METTL22: variants seen among roughly 807,000 people sequenced by gnomAD.
The protein encoded by METTL22 is methyltransferase 22, Kin17 lysine, also known as methyltransferase-like protein 22.
In METTL22, 51 loss-of-function variants were observed where a neutral mutation model predicts 48.4. That is an observed-to-expected ratio of 1.05 (90% CI 0.84 to 1.33). The LOEUF (loss-of-function observed/expected upper bound fraction) is 1.33. Among genes scored for constraint, METTL22 ranks in the 40% most tolerant of loss-of-function variants. METTL22 has a pLI of 0.00. For synonymous variants in METTL22, 255 were observed against 214.1 expected, an observed-to-expected ratio of 1.19 and a Z score of -1.67; for missense variants, 678 against 526.9, an observed-to-expected ratio of 1.29 and a Z score of -2.81.
chr16:8,663,130 C>T, the METTL22 span, among the ~76,000 whole-genome samples: 2 of 146,108 alleles, frequency 1.4e-5, no homozygotes, highest in African/African-American at 2.5e-5. Flanking sequence ...CACTTGAACC[C>T]GGGAGGCAGA....
At chr16:8,641,635 A>G (rs1256142210) in intron 7 of METTL22, 2 of 305,774 alleles carry the variant, frequency 6.5e-6, no homozygotes, top group East Asian at 1.7e-4. Flanking sequence ...TTCTTTGTAT[A>G]AAGATGTCTT....
downstream of METTL22, among the ~76,000 whole-genome samples, chr16:8,651,011 A>G (rs977530157): frequency 1.3e-5 from 2 of 152,050 alleles, no homozygotes; most frequent in Non-Finnish European, 1.5e-5. Flanking sequence ...ACAGAGCGAG[A>G]CTCCGTCTCA....
intron 2 of METTL22, among the ~76,000 whole-genome samples, chr16:8,627,088 C>A (rs1437121117): frequency 6.6e-6 from 1 of 152,120 alleles, no homozygotes; most frequent in South Asian, 2.1e-4. Flanking sequence ...TGTTGCTTGC[C>A]TGGCTGCCTC....
chr16:8,659,287 C>T, the METTL22 span, among the ~76,000 whole-genome samples: 5 of 151,072 alleles, frequency 3.3e-5, no homozygotes, highest in South Asian at 2.1e-4. Flanking sequence ...GCCAAGATTG[C>T]GCCTCTGTAC....
chr16:8,638,750 T>C (rs752676263), intron 5 of METTL22, among the ~76,000 whole-genome samples: 47 of 152,276 alleles, frequency 3.1e-4, no homozygotes, highest in Non-Finnish European at 6.0e-4. Flanking sequence ...TGAAATGGGA[T>C]TCATGATCCC....
chr16:8,651,528 C>A (rs192928759), downstream of METTL22, among the ~76,000 whole-genome samples: 3 of 152,176 alleles, frequency 2.0e-5, no homozygotes, highest in South Asian at 4.1e-4. Context: ...TTGCACCTTG[C>A]AGCCTGTGTG....
chr16:8,664,849 A>G, the METTL22 span, among the ~76,000 whole-genome samples: 1 of 146,946 alleles, frequency 6.8e-6, no homozygotes, highest in African/African-American at 2.5e-5. Flanking sequence ...ATCCTTATCC[A>G]GGGCCCTAGA....
At chr16:8,653,914 T>C (rs1273108276), downstream of METTL22, among the ~76,000 whole-genome samples, 3 of 152,104 alleles carry the variant, frequency 2.0e-5, no homozygotes, top group African/African-American at 7.2e-5. Context: ...GGAAGAATTT[T>C]GTGGAAAGCC....
chr16:8,664,614 G>A, the METTL22 span, among the ~76,000 whole-genome samples: 1 of 152,000 alleles, frequency 6.6e-6, no homozygotes, highest in Non-Finnish European at 1.5e-5. Flanking sequence ...CACCACACCA[G>A]GCTAATTTAT....
At chr16:8,637,043 C>CA (rs1460714458) in intron 5 of METTL22, among the ~76,000 whole-genome samples, 3 of 152,272 alleles carry the variant, frequency 2.0e-5, no homozygotes, top group Non-Finnish European at 2.9e-5. Flanking sequence ...TTCTTTAGAA[C>CA]AAATATACCT....
In METTL22 at chr16:8,628,902, CG is replaced by C. The variant is rs763664909; in HGVS notation, c.309del (p.Thr104LeufsTer22). 1 of 1,613,810 alleles carries C rather than the reference CG, an allele frequency of 6.2e-7. No homozygotes were observed. The highest frequency in any genetic ancestry group is 1.7e-5 in the Admixed American group (1 of 59,996). ...HGNEGFSLQA[G>X]TDTTGQEVAE... ...GTAATGAGGGTTTCTCCCTCCAGGC[CG>C]GGACTGACACCACTGGCCAGGAAGT... On this transcript the variant is annotated frameshift_variant, in exon 3 of 11. Transcript: ENST00000381920. LOFTEE classifies it high-confidence loss of function.
chr16:8,664,053 T>G, the METTL22 span, among the ~76,000 whole-genome samples: 5 of 151,736 alleles, frequency 3.3e-5, no homozygotes, highest in East Asian at 7.7e-4. Flanking sequence ...CAATGATCTT[T>G]CCTCTTTCCT....
intron 2 of METTL22, among the ~76,000 whole-genome samples, chr16:8,626,446 CTTTTTTT>C (rs3057578): frequency 1.5e-5 from 2 of 129,492 alleles, no homozygotes; most frequent in Non-Finnish European, 3.2e-5. Context: ...GTCCTCTGCT[CTTTTTTT>C]TTTTTTTTTT....
the METTL22 span, among the ~76,000 whole-genome samples, chr16:8,656,288 T>C: frequency 1.3e-5 from 2 of 152,302 alleles, no homozygotes; most frequent in East Asian, 1.9e-4. Context: ...GTTTATCCTA[T>C]TGACATGTAT....
chr16:8,641,006 G>A lies in METTL22; in HGVS notation c.773-125G>A, dbSNP rs575422797. 2.2e-5 allele frequency: 17 copies of A among 776,076 alleles called. No homozygotes were observed. In the African/African-American group the frequency reaches 2.7e-4, roughly 12 times the overall value. The allele number at this position is 776,076 out of a possible 1,614,324, so 48.1% of individuals were successfully genotyped here. On this transcript the variant is annotated intron_variant, in intron 6 of 10. Transcript: ENST00000381920. ...GCTGTAAAGATGGAAGGGCAGGAAGGTGGATGGGTGAGAGCAAGGGTGGGT... is the reference window on the plus strand; with the variant it reads ...GCTGTAAAGATGGAAGGGCAGGAAGATGGATGGGTGAGAGCAAGGGTGGGT...
chr16:8,654,815 C>T, the METTL22 span, among the ~76,000 whole-genome samples: 63 of 152,154 alleles, frequency 4.1e-4, no homozygotes, highest in African/African-American at 1.4e-3. Flanking sequence ...TTGTCTGGTT[C>T]CCCAGTGGGA....
In METTL22 at chr16:8,629,121, G is replaced by T. The variant is rs2056167062; in HGVS notation, c.514+11G>T. On this transcript the variant is annotated intron_variant, in intron 3 of 10. Coordinates refer to ENST00000381920, the MANE Select transcript of METTL22 (RefSeq NM_024109.4). ...ATATCATCAGAATAGGTAAATAGAG[G>T]TGTGATGTGGCCCACCTGTCACCAA... 1.9e-6 allele frequency: 3 copies of T among 1,605,654 alleles called. No homozygotes were observed. The highest frequency in any genetic ancestry group is 1.7e-5 in the Admixed American group (1 of 59,844).
At chr16:8,628,648 T>C in intron 2 of METTL22, 82 bp from the exon 3 acceptor site, 2 of 1,503,684 alleles carry the variant, frequency 1.3e-6, no homozygotes, top group Non-Finnish European at 1.8e-6. Context: ...CTATTGGTAA[T>C]CAGATATTCT....
At chr16:8,637,243 G>T (rs1224752403) in intron 5 of METTL22, among the ~76,000 whole-genome samples, 1 of 152,170 alleles carries the variant, frequency 6.6e-6, no homozygotes, top group Non-Finnish European at 1.5e-5. Flanking sequence ...AGTCCCTGAG[G>T]CACTGTTTTC....
Sources: allele counts gnomAD v4.1 joint callset (sites outside exome capture counted in the v4.1 genomes callset), GRCh38; gene constraint gnomAD v4.1.1; transcripts MANE v1.5; gene names NCBI Gene and HGNC (gene_info 2026-07-23, HGNC 2026-07-21).